Variants in NOTCH2 observed in about 807,000 individuals in gnomAD.
NOTCH2 encodes the protein notch receptor 2.
In NOTCH2, 29 loss-of-function variants were observed where a neutral mutation model predicts 235.8. The ratio of observed to expected loss-of-function variants is 0.12; its 90% confidence interval spans 0.09 to 0.17. The LOEUF is 0.17. Among genes scored for constraint, NOTCH2 ranks in the 10% least tolerant of loss-of-function variants. The pLI, the probability that NOTCH2 is intolerant of heterozygous loss-of-function variation, is 1.00. For missense variants in NOTCH2, 2,285 were observed against 3,150.2 expected, an observed-to-expected ratio of 0.73 and a Z score of 6.57; for synonymous variants, 1,086 against 1,141.5, an observed-to-expected ratio of 0.95 and a Z score of 0.98.
At chr1:119,969,002 A>G (rs1553200045) in intron 6 of NOTCH2, among the ~76,000 whole-genome samples, 1 of 152,214 alleles carries the variant, frequency 6.6e-6, no homozygotes, top group Non-Finnish European at 1.5e-5. Flanking sequence ...TCCTAGAACT[A>G]GTAGTTGTTA....
At chr1:119,918,067 G>T (rs919965131) in intron 32 of NOTCH2, among the ~76,000 whole-genome samples, 5 of 152,118 alleles carry the variant, frequency 3.3e-5, no homozygotes, top group African/African-American at 1.2e-4. Context: ...TTACATGTCA[G>T]AATTTATATT....
intron 1 of NOTCH2, among the ~76,000 whole-genome samples, chr1:120,065,214 C>T (rs587620734): frequency 6.6e-6 from 1 of 152,286 alleles, no homozygotes; most frequent in Non-Finnish European, 1.5e-5. Flanking sequence ...GTAAGGTAAG[C>T]ATGACTCCTG....
rs1324250548 is a variant in NOTCH2 at position 119,930,474 on chromosome 1, T to C, written c.3656-1262A>G. Among the ~76,000 whole-genome samples the C allele has an allele frequency of 2.6e-5, 4 of 151,472 alleles. No individual in the cohort carries two copies. The East Asian group carries it at 7.7e-4, about 29-fold the overall frequency. On this transcript the variant is annotated intron_variant, in intron 22 of 33. Transcript: ENST00000256646. Reference sequence around the variant, plus strand: ...GACTATTCTAGAAATTATTCTATGATTAATTCAAAAAGGCACAAAAGAGGC... The same window carrying C: ...GACTATTCTAGAAATTATTCTATGACTAATTCAAAAAGGCACAAAAGAGGC...
chr1:119,983,292 T>G (rs782705018), intron 5 of NOTCH2, among the ~76,000 whole-genome samples: 3 of 151,864 alleles, frequency 2.0e-5, no homozygotes, highest in Non-Finnish European at 2.9e-5. Context: ...TGACCAGGAC[T>G]ACAGGTGCAC....
At chr1:119,932,946 C>T (rs1649720187) in intron 22 of NOTCH2, among the ~76,000 whole-genome samples, 1 of 152,250 alleles carries the variant, frequency 6.6e-6, no homozygotes, top group African/African-American at 2.4e-5. Context: ...TCACTGTATA[C>T]TTTTCTATGT....
chr1:120,003,564 A>G (rs1652848882), intron 3 of NOTCH2, among the ~76,000 whole-genome samples: 1 of 151,944 alleles, frequency 6.6e-6, no homozygotes. Flanking sequence ...TTGCATTTAT[A>G]GAACTCTTGG....
At chr1:120,068,949 T>G in intron 1 of NOTCH2, 2 of 862,576 alleles carry the variant, frequency 2.3e-6, no homozygotes, top group Non-Finnish European at 3.4e-6. Context: ...ATTCCTTCGC[T>G]CAGCCCCTCC....
chr1:119,972,540 T>C (rs1651407139), intron 5 of NOTCH2, among the ~76,000 whole-genome samples: 1 of 152,218 alleles, frequency 6.6e-6, no homozygotes, highest in Non-Finnish European at 1.5e-5. Context: ...TTAAAGCTAT[T>C]TTGTATACAT....
Position 119,919,414 on chromosome 1 carries a change from G to C in NOTCH2, c.5679C>G (p.Ala1893=). ...CTGCACCTGCATCCAGGAGACGCTT[G>C]GCAGCATCAGCCCGTGAGTAGCGGG... ...LAARYSRADA[A]KRLLDAGADA... is the part of the protein sequence containing the mutation. Residue 1893 remains alanine (A), a synonymous_variant, in exon 31 of 34, where the codon GCC becomes GCG. Coordinates refer to ENST00000256646, the MANE Select transcript of NOTCH2 (RefSeq NM_024408.4). 1 of 1,613,790 alleles carries C rather than the reference G, an allele frequency of 6.2e-7. No individual in the cohort carries two copies. Among genetic ancestry groups the C allele is most frequent in the East Asian group, 2.2e-5 (1 of 44,884 alleles).
intron 9 of NOTCH2, 119 bp downstream of exon 9, chr1:119,966,257 G>C (rs1651129714): frequency 1.3e-6 from 1 of 775,312 alleles, no homozygotes; most frequent in Non-Finnish European, 2.4e-6. Flanking sequence ...CTATCACCAA[G>C]CACTTACTCT....
rs587661897 is a variant in NOTCH2 at position 119,982,106 on chromosome 1, G to A, written c.874+4854C>T. 5.3e-5 allele frequency among the ~76,000 whole-genome samples: 8 copies of A among 152,226 alleles called. No homozygotes were observed. In the East Asian group the frequency reaches 1.4e-3, roughly 26 times the overall value. ...CACAAGGAGCTCATGCACCACCTCTGGCAAATGTACTTGCCAACTCACATC... is the reference window on the plus strand; with the variant it reads ...CACAAGGAGCTCATGCACCACCTCTAGCAAATGTACTTGCCAACTCACATC... On this transcript the variant is annotated intron_variant, in intron 5 of 33. Coordinates refer to ENST00000256646, the MANE Select transcript of NOTCH2 (RefSeq NM_024408.4).
intron 6 of NOTCH2, 100 bp downstream of exon 6, chr1:119,969,411 G>A: frequency 4.1e-6 from 4 of 973,410 alleles, no homozygotes; most frequent in Non-Finnish European, 6.4e-6. Flanking sequence ...TCCCATAGAT[G>A]GTAACTCAAA....
intron 3 of NOTCH2, among the ~76,000 whole-genome samples, chr1:120,000,327 C>T (rs111572916): frequency 9.2e-5 from 14 of 152,078 alleles, no homozygotes; most frequent in African/African-American, 3.4e-4. Context: ...TGAGGTCAGG[C>T]GATCCAGACC....
chr1:119,959,362 G>T, intron 12 of NOTCH2, 30 bp downstream of exon 12: 2 of 1,150,092 alleles, frequency 1.7e-6, no homozygotes, highest in Non-Finnish European at 2.6e-6. Flanking sequence ...TAGGGCTGAA[G>T]GAGGGGCCTT....
intron 10 of NOTCH2, among the ~76,000 whole-genome samples, chr1:119,965,159 CT>C (rs1443702586): frequency 9.9e-5 from 15 of 151,946 alleles, no homozygotes; most frequent in African/African-American, 3.6e-4. Context: ...GATTTCTTCT[CT>C]TTCCTAAATG....
intron 3 of NOTCH2, among the ~76,000 whole-genome samples, chr1:119,998,074 C>T (rs1652544220): frequency 6.9e-6 from 1 of 145,444 alleles, no homozygotes; most frequent in Admixed American, 6.9e-5. Context: ...TAAAGTCATC[C>T]TTAGTGCCCC....
In NOTCH2 at chr1:119,923,735, G is replaced by A. The variant is rs1179656261; in HGVS notation, c.4761C>T (p.Leu1587=). The part of the protein sequence containing the change: ...LRIKRDSQGE[L]MVYPYYGEKS... ...TCTCACCATAATAGGGGTACACCAT[G>A]AGTTCCCCCTGGGAGTCCCGCTTAA... The change falls in exon 26 of 34, where the codon CTC becomes CTT. Residue 1587 remains leucine, a synonymous_variant. Transcript: ENST00000256646. The A allele has an allele frequency of 6.2e-7, 1 of 1,614,174 alleles. No homozygotes were observed. Among genetic ancestry groups the A allele is most frequent in the Non-Finnish European group, 8.5e-7 (1 of 1,180,020 alleles).
intron 5 of NOTCH2, among the ~76,000 whole-genome samples, chr1:119,977,937 G>T (rs977470787): frequency 6.6e-6 from 1 of 152,078 alleles, no homozygotes; most frequent in Non-Finnish European, 1.5e-5. Flanking sequence ...GGATTATAAT[G>T]GTGAACAAAA....
rs1553199564 is a variant in NOTCH2 at position 119,965,550 on chromosome 1, A to C, written c.1584T>G (p.Val528=). Residue 528 remains valine (V), a synonymous_variant, in exon 10 of 34, where the codon GTT becomes GTG. Transcript: ENST00000256646. The part of the protein sequence containing the change: ...CLCPPGFTGP[V]CQIDIDDCSS... ...AACAGTCATCAATATCAATCTGGCA[A>C]ACTGGCCCAGTGAAACCTCAAAAAG... 3.1e-6 allele frequency: 5 copies of C among 1,613,792 alleles called. No homozygotes were observed.
Sources: gnomAD v4.1 joint callset for allele counts (sites outside exome capture counted in the v4.1 genomes callset) on GRCh38, gnomAD v4.1.1 for gene constraint, MANE v1.5 for transcripts, NCBI Gene and HGNC (gene_info 2026-07-23, HGNC 2026-07-21) for gene names.